PAX5: variants seen among roughly 807,000 people sequenced by gnomAD.
The protein encoded by PAX5 is paired box protein Pax-5.
PAX5 carries 9 observed loss-of-function variants against 43.7 expected under a neutral mutation model. The observed-to-expected ratio is 0.21, with a 90% confidence interval of 0.12 to 0.36. The LOEUF (loss-of-function observed/expected upper bound fraction) is 0.36, where lower values mean the gene tolerates loss of function less well. PAX5 is among the 10% of genes least tolerant of loss of function. The pLI, the probability that PAX5 is intolerant of heterozygous loss-of-function variation, is 1.00. For missense variants in PAX5, 383 were observed against 532.7 expected (o/e 0.72, Z 2.77); for synonymous variants, 228 against 214.3 (o/e 1.06, Z -0.56).
intron 6 of PAX5, among the ~76,000 whole-genome samples, chr9:36,966,168 G>A (rs1343050020): frequency 1.3e-5 from 2 of 152,206 alleles, no homozygotes; most frequent in African/African-American, 4.8e-5. Context: ...CCCAGGCCGC[G>A]TGCTGGTTAC....
chr9:36,858,854 T>C (rs1446204734), intron 8 of PAX5, among the ~76,000 whole-genome samples: 1 of 152,162 alleles, frequency 6.6e-6, no homozygotes, highest in African/African-American at 2.4e-5. Flanking sequence ...CTGGCTCTGC[T>C]GGGCTCAGCG....
chr9:36,991,694 G>A (rs757571518), intron 5 of PAX5, among the ~76,000 whole-genome samples: 14 of 137,300 alleles, frequency 1.0e-4, no homozygotes, highest in Non-Finnish European at 1.6e-4. Context: ...ACACTGCCCT[G>A]CTACCCTACC....
At chr9:37,028,749 A>G (rs917893606) in intron 1 of PAX5, among the ~76,000 whole-genome samples, 6 of 152,236 alleles carry the variant, frequency 3.9e-5, no homozygotes, top group Middle Eastern at 3.2e-3. Flanking sequence ...GGTCAAGCAA[A>G]GCGGCCAGGC....
At chr9:36,859,134 C>T (rs1431547376) in intron 8 of PAX5, among the ~76,000 whole-genome samples, 5 of 152,122 alleles carry the variant, frequency 3.3e-5, no homozygotes, top group Non-Finnish European at 7.4e-5. Context: ...CCCCGAGGAG[C>T]GCGCTCAATT....
intron 9 of PAX5, 76 bp downstream of exon 9, chr9:36,846,767 G>A: frequency 4.9e-6 from 5 of 1,027,918 alleles, no homozygotes; most frequent in Non-Finnish European, 7.5e-6. Flanking sequence ...GATGTCGAGG[G>A]ACCCAGGCCA....
chr9:37,012,830 G>T (rs1419389480), intron 3 of PAX5, among the ~76,000 whole-genome samples: 3 of 152,186 alleles, frequency 2.0e-5, no homozygotes, highest in South Asian at 2.1e-4. Context: ...TAAAATAAAT[G>T]TATTAGAAAA....
chr9:37,020,830 G>C, intron 1 of PAX5, 29 bp from the exon 2 acceptor site: 6 of 1,611,874 alleles, frequency 3.7e-6, no homozygotes, highest in Non-Finnish European at 5.1e-6. Flanking sequence ...AAAAGGAAAG[G>C]GAAAGGGTAG....
At chr9:36,990,244 C>T (rs974663005) in intron 5 of PAX5, among the ~76,000 whole-genome samples, 3 of 152,184 alleles carry the variant, frequency 2.0e-5, no homozygotes, top group African/African-American at 7.2e-5. Context: ...ATCACAAGCA[C>T]AATTGGGAAA....
At chr9:36,988,669 A>G (rs984466343) in intron 5 of PAX5, among the ~76,000 whole-genome samples, 2 of 107,194 alleles carry the variant, frequency 1.9e-5, no homozygotes, top group Non-Finnish European at 4.1e-5. Context: ...TCTCAAAAAA[A>G]AAAAAAAAAA....
At chr9:36,914,316 C>T (rs1829554814) in intron 7 of PAX5, among the ~76,000 whole-genome samples, 1 of 152,136 alleles carries the variant, frequency 6.6e-6, no homozygotes, top group African/African-American at 2.4e-5. Flanking sequence ...GTAAATGGAG[C>T]AAAGCTTGTA....
chr9:36,936,004 C>T (rs1307820475), intron 6 of PAX5, among the ~76,000 whole-genome samples: 1 of 152,226 alleles, frequency 6.6e-6, no homozygotes, highest in East Asian at 1.9e-4. Flanking sequence ...TAGCCTAGAA[C>T]CTGACTGATT....
At position 36,966,702 on chromosome 9, in the gene PAX5, C is replaced by A; in HGVS notation, c.627G>T (p.Pro209=). 1 of 1,614,136 alleles carries A rather than the reference C, an allele frequency of 6.2e-7. No homozygotes were observed. Among genetic ancestry groups the A allele is most frequent in the Non-Finnish European group, 8.5e-7 (1 of 1,180,010 alleles). Residue 209 remains proline (P), a synonymous_variant, in exon 6 of 10, where the codon CCG becomes CCT. Coordinates refer to ENST00000358127, the MANE Select transcript of PAX5 (RefSeq NM_016734.3). ...CTCTGCCCGGAAGCGAGTGGCCGTT[C>A]GGCACCGGAGACTCCTGAATACCTT... ...RDEGIQESPV[P]NGHSLPGRDF...
intron 3 of PAX5, among the ~76,000 whole-genome samples, chr9:37,014,478 T>C (rs1472606263): frequency 6.6e-6 from 1 of 152,192 alleles, no homozygotes; most frequent in Non-Finnish European, 1.5e-5. Context: ...AGGTCCCACT[T>C]TGAGCTTGTG....
rs528879699 is a variant in PAX5, at chr9:36,838,402, G to A, written c.*2158C>T. On this transcript the variant is annotated 3_prime_UTR_variant, in exon 10 of 10. Coordinates refer to ENST00000358127, the MANE Select transcript of PAX5 (RefSeq NM_016734.3). ...ACCATGGGTTGGGGGTCAGGAGCCCGAGTCCCAGCCCCACCCCCACCAGTC... is the reference window on the plus strand; with the variant it reads ...ACCATGGGTTGGGGGTCAGGAGCCCAAGTCCCAGCCCCACCCCCACCAGTC... 11 of 232,758 alleles carry A rather than the reference G, an allele frequency of 4.7e-5. No homozygotes were observed. The highest frequency in any genetic ancestry group is 8.5e-5 in the Non-Finnish European group (10 of 117,752). 14.4% of individuals were successfully genotyped at this position (232,758 alleles called of 1,614,324 possible).
At chr9:37,024,384 G>A (rs1043981607) in intron 1 of PAX5, among the ~76,000 whole-genome samples, 3 of 152,168 alleles carry the variant, frequency 2.0e-5, no homozygotes, top group Admixed American at 1.3e-4. Context: ...TAGGGGGACG[G>A]AGGCAGGGAG....
At chr9:37,008,913 G>A (rs1476531012) in intron 3 of PAX5, among the ~76,000 whole-genome samples, 1 of 152,114 alleles carries the variant, frequency 6.6e-6, no homozygotes, top group Non-Finnish European at 1.5e-5. Flanking sequence ...AAGTAAGCTG[G>A]CATCTGACCT....
chr9:36,851,914 C>T (rs989869822), intron 8 of PAX5, among the ~76,000 whole-genome samples: 3 of 152,218 alleles, frequency 2.0e-5, no homozygotes, highest in African/African-American at 7.2e-5. Flanking sequence ...TTGCCCAGAG[C>T]TGCCCACATT....
chr9:36,915,928 G>T (rs997162029), intron 7 of PAX5, among the ~76,000 whole-genome samples: 1 of 151,898 alleles, frequency 6.6e-6, no homozygotes, highest in African/African-American at 2.4e-5. Flanking sequence ...AAAATTACCA[G>T]GATGTAGTGG....
chr9:36,914,976 A>G lies in PAX5; in HGVS notation c.910+8379T>C, dbSNP rs532322598. ...CTTAGACACTTATTTACATCGGTAC[A>G]GATAGTTCTATTTAATTCTTTTTAG... On this transcript the variant is annotated intron_variant, in intron 7 of 9. Coordinates refer to ENST00000358127, the MANE Select transcript of PAX5 (RefSeq NM_016734.3). Among the ~76,000 whole-genome samples, 3 of 152,354 alleles carry G rather than the reference A, an allele frequency of 2.0e-5. 1 individual carries two copies. Among genetic ancestry groups the G allele is most frequent in the African/African-American group, 7.2e-5 (3 of 41,592 alleles).
Sources: allele counts gnomAD v4.1 joint callset (sites outside exome capture counted in the v4.1 genomes callset), GRCh38; gene constraint gnomAD v4.1.1; transcripts MANE v1.5; gene names NCBI Gene and HGNC (gene_info 2026-07-23, HGNC 2026-07-21).